Variants in COMMD10 observed in about 807,000 individuals in gnomAD.
COMMD10 encodes the protein COMM domain-containing protein 10.
A neutral mutation model predicts 28.9 loss-of-function variants in COMMD10; 33 were observed. The observed-to-expected ratio is 1.14, with a 90% CI of 0.87 to 1.53. COMMD10 has a LOEUF of 1.53. Among genes scored for constraint, COMMD10 ranks in the 40% most tolerant of loss-of-function variants. COMMD10 has a pLI of 0.00. For synonymous variants in COMMD10, 110 were observed against 81.7 expected (o/e 1.35, Z -1.87); for missense variants, 310 against 233.4 (o/e 1.33, Z -2.14).
In COMMD10 at chr5:116,134,091, T is replaced by C; in HGVS notation, c.423T>C (p.Leu141=). 1 of 1,608,762 alleles carries C rather than the reference T, an allele frequency of 6.2e-7. No homozygotes were observed. The highest frequency in any genetic ancestry group is 8.5e-7 in the Non-Finnish European group (1 of 1,175,008). The stretch of plus-strand genomic sequence containing the variant: ...AGCTAGAGACCGTTGGATGGCAGCT[T>C]AACCTTCAGATGGCTCACTCTGCTC... ...PCKLETVGWQ[L]NLQMAHSAQA... is the part of the protein sequence containing the mutation. The change falls in exon 5 of 7, where the codon CTT becomes CTC. Residue 141 remains leucine, a synonymous_variant. Transcript: ENST00000274458.
chr5:116,120,975 G>A (rs182022265), intron 4 of COMMD10, among the ~76,000 whole-genome samples: 3 of 151,252 alleles, frequency 2.0e-5, no homozygotes, highest in East Asian at 3.9e-4. Context: ...TTTTGTATAG[G>A]CCTATATTTT....
intron 5 of COMMD10, among the ~76,000 whole-genome samples, chr5:116,225,112 T>A (rs180981814): frequency 1.3e-5 from 2 of 152,234 alleles, no homozygotes; most frequent in Admixed American, 1.3e-4. Flanking sequence ...TTTATTTCAC[T>A]TATTATACTT....
intron 4 of COMMD10, among the ~76,000 whole-genome samples, chr5:116,113,544 A>G (rs888484254): frequency 6.6e-6 from 1 of 151,794 alleles, no homozygotes; most frequent in Non-Finnish European, 1.5e-5. Flanking sequence ...ACCTGTCTTC[A>G]TGTTCTGAAA....
intron 5 of COMMD10, among the ~76,000 whole-genome samples, chr5:116,279,647 G>A (rs1472949962): frequency 1.3e-5 from 2 of 151,732 alleles, no homozygotes; most frequent in Non-Finnish European, 2.9e-5. Flanking sequence ...TTTTTTATTT[G>A]TTTCATATTA....
intron 5 of COMMD10, among the ~76,000 whole-genome samples, chr5:116,162,770 A>G (rs753163445): frequency 1.3e-5 from 2 of 152,214 alleles, no homozygotes; most frequent in Non-Finnish European, 2.9e-5. Context: ...TGTTTTAGAG[A>G]CATAGTGGTA....
At chr5:116,124,755 G>A (rs1751560385) in intron 4 of COMMD10, among the ~76,000 whole-genome samples, 1 of 152,290 alleles carries the variant, frequency 6.6e-6, no homozygotes, top group South Asian at 2.1e-4. Flanking sequence ...GGGTGCTCCT[G>A]TATTGGGTAC....
chr5:116,149,560 A>AGAT (rs1752449704), intron 5 of COMMD10, among the ~76,000 whole-genome samples: 1 of 146,930 alleles, frequency 6.8e-6, no homozygotes, highest in Non-Finnish European at 1.5e-5. Flanking sequence ...AACCGGTGTG[A>AGAT]GATGGTATCT....
chr5:116,193,425 C>T (rs950283236), intron 5 of COMMD10, among the ~76,000 whole-genome samples: 6 of 152,088 alleles, frequency 3.9e-5, no homozygotes, highest in African/African-American at 1.4e-4. Flanking sequence ...TCAGGAGACT[C>T]ACCTAACACC....
At chr5:116,093,750 G>A (rs1028404056) in intron 4 of COMMD10, among the ~76,000 whole-genome samples, 2 of 152,152 alleles carry the variant, frequency 1.3e-5, no homozygotes, top group African/African-American at 4.8e-5. Context: ...AAAGCTGGAG[G>A]CATCATATTC....
intron 4 of COMMD10, among the ~76,000 whole-genome samples, chr5:116,103,305 A>G (rs1348839167): frequency 6.6e-6 from 1 of 152,154 alleles, no homozygotes; most frequent in Non-Finnish European, 1.5e-5. Flanking sequence ...AAGCATTCCT[A>G]TTTCTCCACA....
At chr5:116,196,821 T>G (rs1748535315) in intron 5 of COMMD10, among the ~76,000 whole-genome samples, 1 of 152,090 alleles carries the variant, frequency 6.6e-6, no homozygotes, top group Admixed American at 6.6e-5. Flanking sequence ...TCTTCCTATA[T>G]AAAGGACATC....
At chr5:116,217,170 A>G (rs766205608) in intron 5 of COMMD10, among the ~76,000 whole-genome samples, 6 of 151,750 alleles carry the variant, frequency 4.0e-5, no homozygotes, top group Non-Finnish European at 7.4e-5. Context: ...AGTCCCCGCA[A>G]TCCCACTGTG....
intron 5 of COMMD10, among the ~76,000 whole-genome samples, chr5:116,184,041 A>C (rs1174385719): frequency 6.6e-6 from 1 of 152,148 alleles, no homozygotes; most frequent in African/African-American, 2.4e-5. Context: ...GTTGTTCTCA[A>C]ATTCCAAATA....
rs970849763 is a variant in COMMD10, at chr5:116,194,000, C to T, written c.510+59822C>T. ...ACCACAGTGGAATAAAACTGGAAAT[C>T]AACTCCAAAAGGAACCTTCAAAACC... On this transcript the variant is annotated intron_variant, in intron 5 of 6. Coordinates refer to ENST00000274458, the MANE Select transcript of COMMD10 (RefSeq NM_016144.4). Among the ~76,000 whole-genome samples the T allele has an allele frequency of 7.9e-5, 12 of 152,148 alleles. No homozygotes were observed. In the East Asian group the frequency reaches 9.7e-4, roughly 12 times the overall value.
intron 4 of COMMD10, among the ~76,000 whole-genome samples, chr5:116,110,504 G>C (rs115667294): frequency 3.3e-5 from 5 of 152,104 alleles, no homozygotes; most frequent in African/African-American, 1.2e-4. Flanking sequence ...CTGCGTTTTT[G>C]GGGGGAAGAT....
chr5:116,196,803 A>C (rs1748534834), intron 5 of COMMD10, among the ~76,000 whole-genome samples: 1 of 152,102 alleles, frequency 6.6e-6, no homozygotes, highest in South Asian at 2.1e-4. Context: ...CTAAATGATG[A>C]ATCTTTATCT....
chr5:116,108,912 G>A (rs1042285611), intron 4 of COMMD10, among the ~76,000 whole-genome samples: 2 of 152,096 alleles, frequency 1.3e-5, no homozygotes, highest in African/African-American at 4.8e-5. Flanking sequence ...CGTTCCTCTC[G>A]GTACAGTCTC....
chr5:116,192,025 C>T (rs374332927), intron 5 of COMMD10, among the ~76,000 whole-genome samples: 17 of 151,940 alleles, frequency 1.1e-4, no homozygotes, highest in South Asian at 8.4e-4. Flanking sequence ...AGCCTGGAGC[C>T]GGGTAGACTC....
intron 1 of COMMD10, chr5:116,085,405 C>G: frequency 2.5e-6 from 1 of 398,142 alleles, no homozygotes; most frequent in Non-Finnish European, 4.5e-6. Flanking sequence ...CAGAAGTTCC[C>G]GGGTGCTGCC....
Sources: gnomAD v4.1 joint callset for allele counts (sites outside exome capture counted in the v4.1 genomes callset) on GRCh38, gnomAD v4.1.1 for gene constraint, MANE v1.5 for transcripts, NCBI Gene and HGNC (gene_info 2026-07-23, HGNC 2026-07-21) for gene names.